PTPRQ: variants seen among roughly 807,000 people sequenced by gnomAD.
PTPRQ encodes protein tyrosine phosphatase receptor type Q, also known as phosphatidylinositol phosphatase PTPRQ.
Under a neutral mutation model 246.0 loss-of-function variants are expected in PTPRQ, and 199 were observed. The observed-to-expected ratio is 0.81, with a 90% CI of 0.72 to 0.91. The LOEUF is 0.91. PTPRQ is among the 40% of genes least tolerant of loss of function. The pLI, the probability that PTPRQ is intolerant of heterozygous loss-of-function variation, is 0.00. For synonymous variants in PTPRQ, 869 were observed against 853.2 expected, an observed-to-expected ratio of 1.02 and a Z score of -0.32; for missense variants, 2,624 against 2,528.4, an observed-to-expected ratio of 1.04 and a Z score of -0.81.
At chr12:80,464,072 G>A (rs1179141683) in intron 6 of PTPRQ, among the ~76,000 whole-genome samples, 2 of 151,874 alleles carry the variant, frequency 1.3e-5, no homozygotes, top group Non-Finnish European at 2.9e-5. Flanking sequence ...ACACAGACTG[G>A]CAAATTAGAT....
intron 29 of PTPRQ, among the ~76,000 whole-genome samples, chr12:80,615,800 G>A (rs895671493): frequency 1.3e-5 from 2 of 151,012 alleles, no homozygotes; most frequent in African/African-American, 4.8e-5. Context: ...AGATGTTAGA[G>A]TAGATGAAGG....
intron 25 of PTPRQ, among the ~76,000 whole-genome samples, chr12:80,554,723 T>C (rs1161481353): frequency 6.6e-6 from 1 of 152,156 alleles, no homozygotes; most frequent in Non-Finnish European, 1.5e-5. Flanking sequence ...TGGCATGTAT[T>C]CAATTTAATT....
At position 80,444,765 on chromosome 12, in the gene PTPRQ, G is replaced by A; in HGVS notation, c.79G>A (p.Gly27Ser). ...TQVDVSNVVP[G>S]TRYDITISSI... The stretch of plus-strand genomic sequence containing the variant: ...GGTTGATGTTTCCAATGTCGTTCCT[G>A]GTACTAGGTACGATATAACCATCTC... Residue 27 changes from glycine (G) to serine (S), a missense_variant, in exon 2 of 45, where the codon GGT becomes AGT. Physicochemically the swap from Gly to Ser is moderately conservative, Grantham distance 56. Transcript: ENST00000644991. The A allele has an allele frequency of 6.5e-7, 1 of 1,539,278 alleles. No individual in the cohort carries two copies.
chr12:80,467,210 A>T (rs956330109), intron 6 of PTPRQ, among the ~76,000 whole-genome samples: 3 of 152,176 alleles, frequency 2.0e-5, no homozygotes, highest in Admixed American at 2.0e-4. Flanking sequence ...ATGAACAGAC[A>T]CTTCTCAAAA....
At chr12:80,609,468 T>C (rs1898465731) in intron 27 of PTPRQ, among the ~76,000 whole-genome samples, 1 of 150,588 alleles carries the variant, frequency 6.6e-6, no homozygotes, top group Non-Finnish European at 1.5e-5. Flanking sequence ...CTGAAAGTAG[T>C]ATGTATGATA....
chr12:80,476,476 A>G (rs908519464), intron 8 of PTPRQ, among the ~76,000 whole-genome samples: 2 of 152,146 alleles, frequency 1.3e-5, no homozygotes, highest in African/African-American at 4.8e-5. Flanking sequence ...TGGCCCAACG[A>G]TTGTCACAAT....
At chr12:80,522,885 G>T (rs1264939490) in intron 17 of PTPRQ, among the ~76,000 whole-genome samples, 1 of 152,206 alleles carries the variant, frequency 6.6e-6, no homozygotes, top group African/African-American at 2.4e-5. Flanking sequence ...CATAAAATGA[G>T]TTAGGGAGGA....
At chr12:80,497,636 G>C (rs1894670912) in intron 14 of PTPRQ, among the ~76,000 whole-genome samples, 1 of 152,066 alleles carries the variant, frequency 6.6e-6, no homozygotes, top group Non-Finnish European at 1.5e-5. Context: ...TAGTTTCGGT[G>C]AAACTAGAGT....
intron 43 of PTPRQ, among the ~76,000 whole-genome samples, chr12:80,676,333 T>C (rs955615189): frequency 5.9e-5 from 9 of 152,136 alleles, no homozygotes; most frequent in Non-Finnish European, 1.3e-4. Context: ...AGCTTTGATT[T>C]CTTTCACTCA....
At chr12:80,568,475 C>T (rs1021449869) in intron 25 of PTPRQ, among the ~76,000 whole-genome samples, 1 of 152,170 alleles carries the variant, frequency 6.6e-6, no homozygotes, top group Non-Finnish European at 1.5e-5. Flanking sequence ...TTCAAGACAT[C>T]ATCCTTCATT....
In PTPRQ at chr12:80,542,835, A is replaced by G. The variant is rs1896194768; in HGVS notation, c.3827A>G (p.Tyr1276Cys). Residue 1276 changes from tyrosine to cysteine, a missense_variant, in exon 23 of 45, where the codon TAT (tyrosine) becomes TGT (cysteine). Physicochemically the swap from Tyr to Cys is radical, Grantham distance 194. Coordinates refer to ENST00000644991, the MANE Select transcript of PTPRQ (RefSeq NM_001145026.2). ...CTTCCAGGTGGTATTGTTAAAGTAT[A>G]TAGTTTTAAAATTCATGAACATGAA... The part of the protein sequence containing the change: ...SPLPGGIVKV[Y>C]SFKIHEHETD... 6.5e-7 allele frequency: 1 copy of G among 1,544,510 alleles called. No individual in the cohort carries two copies. The highest frequency in any genetic ancestry group is 8.7e-7 in the Non-Finnish European group (1 of 1,144,022).
At chr12:80,476,492 G>A (rs1893815435) in intron 8 of PTPRQ, among the ~76,000 whole-genome samples, 1 of 152,088 alleles carries the variant, frequency 6.6e-6, no homozygotes, top group South Asian at 2.1e-4. Flanking sequence ...ACAATATCTA[G>A]GGAGTCTTTA....
chr12:80,566,335 G>A lies in PTPRQ; in HGVS notation c.4285+16601G>A, dbSNP rs150203957. ...TCTACTAAAAATACAAAAGTTAGCC[G>A]GGCATGGTGGCAGGTGCCTGTAGTC... On this transcript the variant is annotated intron_variant, in intron 25 of 44. Transcript: ENST00000644991. Among the ~76,000 whole-genome samples, 350 of 151,842 alleles carry A rather than the reference G, an allele frequency of 2.3e-3. 8 individuals carry two copies. In the East Asian group the frequency reaches 0.056, roughly 24 times the overall value.
intron 16 of PTPRQ, among the ~76,000 whole-genome samples, chr12:80,508,080 A>G (rs1385588056): frequency 6.6e-6 from 1 of 151,966 alleles, no homozygotes; most frequent in Non-Finnish European, 1.5e-5. Context: ...ATAGTTCCAA[A>G]GTATGTTGTG....
chr12:80,626,161 A>G lies in PTPRQ; in HGVS notation c.5686+4027A>G, dbSNP rs1899194140. On this transcript the variant is annotated intron_variant, in intron 33 of 44. Transcript: ENST00000644991. ...GTTGCTATGTATCTTTTGCATCCAA[A>G]GGATTACTTCCCTAAAGTCACCAGA... Among the ~76,000 whole-genome samples the G allele has an allele frequency of 2.0e-5, 3 of 152,256 alleles. No homozygotes were observed. The South Asian group carries it at 6.2e-4, about 32-fold the overall frequency.
intron 33 of PTPRQ, among the ~76,000 whole-genome samples, chr12:80,624,576 C>T (rs1899124579): frequency 6.6e-6 from 1 of 152,086 alleles, no homozygotes; most frequent in Non-Finnish European, 1.5e-5. Flanking sequence ...GAGAATGCAC[C>T]CCTGGAGCAG....
At chr12:80,538,646 C>T (rs1015782148) in intron 19 of PTPRQ, among the ~76,000 whole-genome samples, 4 of 152,104 alleles carry the variant, frequency 2.6e-5, no homozygotes, top group Non-Finnish European at 5.9e-5. Flanking sequence ...TCCCTGAATA[C>T]TGGCAAAAGA....
intron 27 of PTPRQ, among the ~76,000 whole-genome samples, chr12:80,606,083 T>G (rs552182779): frequency 1.3e-5 from 2 of 151,156 alleles, no homozygotes; most frequent in South Asian, 4.2e-4. Context: ...TAAGGATGAT[T>G]GTAAGTTATA....
chr12:80,479,209 G>A (rs1222826288), intron 8 of PTPRQ, among the ~76,000 whole-genome samples: 1 of 148,286 alleles, frequency 6.7e-6, no homozygotes, highest in Admixed American at 6.7e-5. Flanking sequence ...AGAAGAGAGT[G>A]GGGGCCAATA....
Sources: allele counts gnomAD v4.1 joint callset (sites outside exome capture counted in the v4.1 genomes callset), GRCh38; gene constraint gnomAD v4.1.1; transcripts MANE v1.5; gene names NCBI Gene and HGNC (gene_info 2026-07-23, HGNC 2026-07-21).